The following CCSER1 variants were observed in gnomAD, a reference collection of about 807,000 sequenced individuals.
The protein encoded by CCSER1 is coiled-coil serine rich protein 1.
In CCSER1, 41 loss-of-function variants were observed where a neutral mutation model predicts 82.0. The ratio of observed to expected loss-of-function variants is 0.50; its 90% CI spans 0.39 to 0.65. CCSER1 has a LOEUF of 0.65. Ranked by LOEUF, CCSER1 falls within the 30% of genes least tolerant of loss-of-function variation. The pLI, the probability that CCSER1 is intolerant of heterozygous loss-of-function variation, is 0.00. For missense variants in CCSER1, 1,119 were observed against 1,064.2 expected, an observed-to-expected ratio of 1.05 and a Z score of -0.72; for synonymous variants, 414 against 383.9, an observed-to-expected ratio of 1.08 and a Z score of -0.92.
intron 5 of CCSER1, among the ~76,000 whole-genome samples, chr4:90,601,854 A>C (rs1241241047): frequency 6.6e-6 from 1 of 152,060 alleles, no homozygotes; most frequent in Non-Finnish European, 1.5e-5. Flanking sequence ...GCAGTTGGAG[A>C]TTATTCAGGG....
chr4:90,964,646 A>G (rs1047173440), intron 9 of CCSER1, among the ~76,000 whole-genome samples: 2 of 141,154 alleles, frequency 1.4e-5, no homozygotes, highest in African/African-American at 5.3e-5. Flanking sequence ...AATGGCATGA[A>G]CCCGGGAGGC....
At chr4:90,457,648 T>C (rs1260788186) in intron 4 of CCSER1, among the ~76,000 whole-genome samples, 1 of 152,178 alleles carries the variant, frequency 6.6e-6, no homozygotes, top group African/African-American at 2.4e-5. Flanking sequence ...CAAATCTGGC[T>C]GAGTCCAGGC....
At chr4:90,264,553 A>C (rs1019920357) in intron 1 of CCSER1, among the ~76,000 whole-genome samples, 17 of 152,052 alleles carry the variant, frequency 1.1e-4, no homozygotes, top group African/African-American at 4.1e-4. Context: ...CATCCTTCAT[A>C]TTGTGTTACT....
At chr4:90,990,132 T>C (rs1024438116) in intron 9 of CCSER1, among the ~76,000 whole-genome samples, 1 of 151,900 alleles carries the variant, frequency 6.6e-6, no homozygotes, top group African/African-American at 2.4e-5. Flanking sequence ...TATTTATTTG[T>C]TTAAATTAAG....
At chr4:90,467,035 A>G (rs1448705869) in intron 4 of CCSER1, among the ~76,000 whole-genome samples, 1 of 152,208 alleles carries the variant, frequency 6.6e-6, no homozygotes, top group Non-Finnish European at 1.5e-5. Flanking sequence ...TGAACCAGCT[A>G]CTACTAGACA....
chr4:90,878,543 G>A (rs1720716914), intron 8 of CCSER1, among the ~76,000 whole-genome samples: 1 of 152,134 alleles, frequency 6.6e-6, no homozygotes, highest in Non-Finnish European at 1.5e-5. Context: ...AGATAGGCTT[G>A]TCTAAAGTGC....
At position 90,536,922 on chromosome 4, in the gene CCSER1, T is replaced by A. The variant is rs550919558; in HGVS notation, c.1724+68568T>A. On this transcript the variant is annotated intron_variant, in intron 5 of 10. Coordinates refer to ENST00000509176, the MANE Select transcript of CCSER1 (RefSeq NM_001145065.2). ...TGTTGAAAACGCTTTTCTTTATCAT[T>A]GATATGTAGTGAATTTTCTCGTTTG... is the stretch of plus-strand genomic sequence containing the variant. Among the ~76,000 whole-genome samples the A allele has an allele frequency of 3.3e-5, 5 of 152,330 alleles. No homozygotes were observed. In the East Asian group the frequency reaches 7.7e-4, roughly 23 times the overall value.
chr4:90,875,619 G>A (rs1056723581), intron 8 of CCSER1, among the ~76,000 whole-genome samples: 16 of 152,140 alleles, frequency 1.1e-4, no homozygotes, highest in African/African-American at 1.4e-4. Flanking sequence ...ACTATAGTGC[G>A]GTTACATACA....
At chr4:90,361,529 G>T (rs1372092968) in intron 3 of CCSER1, among the ~76,000 whole-genome samples, 1 of 152,056 alleles carries the variant, frequency 6.6e-6, no homozygotes, top group Non-Finnish European at 1.5e-5. Context: ...TGGGTTCGGG[G>T]GTATTTGTGA....
chr4:90,808,240 G>A (rs7678733), intron 7 of CCSER1, among the ~76,000 whole-genome samples: 19 of 151,892 alleles, frequency 1.3e-4, no homozygotes, highest in African/African-American at 3.9e-4. Context: ...AAAAATTAAC[G>A]GAAGATGGAT....
intron 10 of CCSER1, among the ~76,000 whole-genome samples, chr4:91,120,173 T>G (rs1440677868): frequency 6.6e-6 from 1 of 152,026 alleles, no homozygotes; most frequent in Admixed American, 6.6e-5. Flanking sequence ...ATCATACCAG[T>G]TCCCATTCAT....
intron 5 of CCSER1, among the ~76,000 whole-genome samples, chr4:90,492,414 C>A (rs1038963663): frequency 6.6e-6 from 1 of 152,068 alleles, no homozygotes; most frequent in Admixed American, 6.6e-5. Flanking sequence ...CTCTTTTCTT[C>A]TTTATTAGTC....
At chr4:91,172,123 A>G (rs756201873) in intron 10 of CCSER1, among the ~76,000 whole-genome samples, 1 of 152,202 alleles carries the variant, frequency 6.6e-6, no homozygotes, top group Non-Finnish European at 1.5e-5. Flanking sequence ...AAATGATGAT[A>G]TAAGAAAACC....
chr4:90,670,532 T>A (rs1732604153), intron 6 of CCSER1, among the ~76,000 whole-genome samples: 1 of 151,996 alleles, frequency 6.6e-6, no homozygotes, highest in South Asian at 2.1e-4. Flanking sequence ...AAAAGCAGGT[T>A]AGCAATCTGT....
chr4:91,068,677 G>A (rs1337363404), intron 9 of CCSER1, among the ~76,000 whole-genome samples: 4 of 152,058 alleles, frequency 2.6e-5, no homozygotes, highest in Non-Finnish European at 4.4e-5. Context: ...TACCTACAGC[G>A]CAGGTGAAAT....
chr4:90,590,672 C>T (rs934586843), intron 5 of CCSER1, among the ~76,000 whole-genome samples: 1 of 151,868 alleles, frequency 6.6e-6, no homozygotes, highest in South Asian at 2.1e-4. Flanking sequence ...TGTTTTGGTA[C>T]CAGTACCATG....
At chr4:91,043,713 C>A (rs1438225934) in intron 9 of CCSER1, among the ~76,000 whole-genome samples, 1 of 151,654 alleles carries the variant, frequency 6.6e-6, no homozygotes, top group Non-Finnish European at 1.5e-5. Context: ...GCCTCAGCCT[C>A]CCGAGTAACT....
chr4:90,853,080 A>G (rs993571301), intron 8 of CCSER1, among the ~76,000 whole-genome samples: 1 of 152,090 alleles, frequency 6.6e-6, no homozygotes, highest in Non-Finnish European at 1.5e-5. Flanking sequence ...TAGTATCAAA[A>G]CAACAGCAAG....
chr4:91,204,513 T>C (rs899893416), intron 10 of CCSER1, among the ~76,000 whole-genome samples: 1 of 151,906 alleles, frequency 6.6e-6, no homozygotes, highest in African/African-American at 2.4e-5. Context: ...AAACCAAATA[T>C]AACAATTTCA....
Sources: allele counts gnomAD v4.1 joint callset (sites outside exome capture counted in the v4.1 genomes callset), GRCh38; gene constraint gnomAD v4.1.1; transcripts MANE v1.5; gene names NCBI Gene and HGNC (gene_info 2026-07-23, HGNC 2026-07-21).